The following KCNJ3 variants were observed in gnomAD, a reference collection of about 807,000 sequenced individuals.
The protein encoded by KCNJ3 is G protein-activated inward rectifier potassium channel 1.
Under a neutral mutation model 39.2 loss-of-function variants are expected in KCNJ3, and 4 were observed. The observed-to-expected ratio is 0.10, with a 90% CI of 0.05 to 0.23. KCNJ3 has a LOEUF of 0.23. Ranked by LOEUF, KCNJ3 falls within the 10% of genes least tolerant of loss-of-function variation. The pLI is 1.00. For missense variants in KCNJ3, 276 were observed against 634.9 expected (o/e 0.43, Z 6.08); for synonymous variants, 230 against 237.4 (o/e 0.97, Z 0.29).
intron 2 of KCNJ3, among the ~76,000 whole-genome samples, chr2:154,828,023 A>G (rs891456193): frequency 6.6e-6 from 1 of 152,188 alleles, no homozygotes; most frequent in Admixed American, 6.6e-5. Context: ...TTTGACTTCT[A>G]TACTTCATTA....
chr2:154,826,213 C>T (rs184871192), intron 2 of KCNJ3, among the ~76,000 whole-genome samples: 21 of 152,132 alleles, frequency 1.4e-4, no homozygotes, highest in African/African-American at 4.3e-4. Flanking sequence ...CAGCTATGTA[C>T]GAGACTAATC....
chr2:154,732,141 T>C (rs900267673), intron 2 of KCNJ3, among the ~76,000 whole-genome samples: 3 of 152,134 alleles, frequency 2.0e-5, no homozygotes, highest in East Asian at 3.8e-4. Flanking sequence ...AGTTAAAAAG[T>C]ACTGGAAATA....
At chr2:154,729,692 G>C (rs924946194) in intron 2 of KCNJ3, among the ~76,000 whole-genome samples, 2 of 152,168 alleles carry the variant, frequency 1.3e-5, no homozygotes, top group Non-Finnish European at 2.9e-5. Context: ...ATGAGAAGCA[G>C]AGACTGGGGA....
chr2:154,742,963 T>G (rs1343779488), intron 2 of KCNJ3, among the ~76,000 whole-genome samples: 1 of 151,902 alleles, frequency 6.6e-6, no homozygotes, highest in Non-Finnish European at 1.5e-5. Context: ...TTGTAAGCTA[T>G]TGCCATGTGT....
chr2:154,836,207 CAA>C (rs371432293), intron 2 of KCNJ3, among the ~76,000 whole-genome samples: 3,800 of 74,972 alleles, frequency 0.051, 147 homozygotes, highest in African/African-American at 0.18. Flanking sequence ...AAGACTGTCT[CAA>C]AAAAAAAAAC....
At chr2:154,734,764 A>T (rs2105169847) in intron 2 of KCNJ3, among the ~76,000 whole-genome samples, 1 of 152,298 alleles carries the variant, frequency 6.6e-6, no homozygotes, top group East Asian at 1.9e-4. Flanking sequence ...TGAAAAAAAC[A>T]TTGAGAGTGA....
At chr2:154,712,753 C>A (rs1032896219) in intron 2 of KCNJ3, among the ~76,000 whole-genome samples, 3 of 151,928 alleles carry the variant, frequency 2.0e-5, no homozygotes, top group African/African-American at 7.3e-5. Flanking sequence ...ATTGCTTGAG[C>A]CTGGGCGACG....
chr2:154,765,046 G>C (rs553760440), intron 2 of KCNJ3, among the ~76,000 whole-genome samples: 2 of 152,254 alleles, frequency 1.3e-5, no homozygotes, highest in South Asian at 4.1e-4. Flanking sequence ...TTAGGATCAG[G>C]TAGTTTGTCG....
At chr2:154,777,718 C>T (rs115138903) in intron 2 of KCNJ3, among the ~76,000 whole-genome samples, 1 of 152,120 alleles carries the variant, frequency 6.6e-6, no homozygotes, top group African/African-American at 2.4e-5. Flanking sequence ...AAATGTATTT[C>T]TTCAGTAATG....
At chr2:154,753,880 G>A (rs948704096) in intron 2 of KCNJ3, among the ~76,000 whole-genome samples, 1 of 152,024 alleles carries the variant, frequency 6.6e-6, no homozygotes, top group Non-Finnish European at 1.5e-5. Flanking sequence ...CTACAGAAAA[G>A]TTATGTAATT....
chr2:154,787,776 T>C (rs1354272696), intron 2 of KCNJ3, among the ~76,000 whole-genome samples: 1 of 152,112 alleles, frequency 6.6e-6, no homozygotes, highest in Non-Finnish European at 1.5e-5. Flanking sequence ...TCCCTCTAAC[T>C]GGAATGCAAC....
In KCNJ3 at chr2:154,831,200, C is replaced by A. The variant is rs1448608893; in HGVS notation, c.920-23527C>A. Among the ~76,000 whole-genome samples, 3 of 152,144 alleles carry A rather than the reference C, an allele frequency of 2.0e-5. No homozygotes were observed. The East Asian group carries it at 5.8e-4, about 29-fold the overall frequency. ...TGTCACAGCCTTTGATAAAGCACAA[C>A]AGTTACCCCTTACTGAATGGATTAG... On this transcript the variant is annotated intron_variant, in intron 2 of 2. Coordinates refer to ENST00000295101, the MANE Select transcript of KCNJ3 (RefSeq NM_002239.4).
chr2:154,829,713 T>C (rs1687330000), intron 2 of KCNJ3, among the ~76,000 whole-genome samples: 1 of 152,148 alleles, frequency 6.6e-6, no homozygotes, highest in East Asian at 1.9e-4. Flanking sequence ...TGATTTTCAG[T>C]GTATAAGTGT....
chr2:154,796,867 A>G (rs1477049297), intron 2 of KCNJ3, among the ~76,000 whole-genome samples: 1 of 152,170 alleles, frequency 6.6e-6, no homozygotes, highest in Non-Finnish European at 1.5e-5. Context: ...GGGTAAAAAA[A>G]TCTTTTTCAA....
At chr2:154,778,538 C>A (rs1180336611) in intron 2 of KCNJ3, among the ~76,000 whole-genome samples, 4 of 152,076 alleles carry the variant, frequency 2.6e-5, no homozygotes, top group Non-Finnish European at 4.4e-5. Context: ...CATTAAGCTC[C>A]TTTCAAACTC....
intron 2 of KCNJ3, among the ~76,000 whole-genome samples, chr2:154,752,450 CTT>C: frequency 6.6e-6 from 1 of 151,896 alleles, no homozygotes; most frequent in Non-Finnish European, 1.5e-5. Flanking sequence ...ATTTTAAAAA[CTT>C]GATGAAATTG....
chr2:154,786,980 T>A (rs2105207415), intron 2 of KCNJ3, among the ~76,000 whole-genome samples: 1 of 152,310 alleles, frequency 6.6e-6, no homozygotes, highest in Non-Finnish European at 1.5e-5. Flanking sequence ...GCTTTCTGTA[T>A]AACTTGAGGT....
chr2:154,823,377 A>C (rs1687215423), intron 2 of KCNJ3, among the ~76,000 whole-genome samples: 1 of 150,838 alleles, frequency 6.6e-6, no homozygotes, highest in Admixed American at 6.7e-5. Flanking sequence ...AGTAAAGAGA[A>C]TTGCAGTACC....
chr2:154,784,826 AAGTT>A (rs778232843), intron 2 of KCNJ3, among the ~76,000 whole-genome samples: 23 of 152,214 alleles, frequency 1.5e-4, no homozygotes, highest in Non-Finnish European at 2.9e-4. Flanking sequence ...GTTAATTAAC[AAGTT>A]AGTTAATTTC....
Sources: gnomAD v4.1 joint callset for allele counts (sites outside exome capture counted in the v4.1 genomes callset) on GRCh38, gnomAD v4.1.1 for gene constraint, MANE v1.5 for transcripts, NCBI Gene and HGNC (gene_info 2026-07-23, HGNC 2026-07-21) for gene names.